The following DUSP15 variants were observed in gnomAD, a reference collection of about 807,000 sequenced individuals.
DUSP15 encodes the protein dual specificity protein phosphatase 15.
Under a neutral mutation model 26.3 loss-of-function variants are expected in DUSP15, and 23 were observed. That is an observed-to-expected ratio of 0.87 (90% CI 0.63 to 1.24). DUSP15 has a LOEUF of 1.24. DUSP15 is among the 50% of genes most tolerant of loss of function. DUSP15 has a pLI of 0.00. For synonymous variants in DUSP15, 143 were observed against 135.5 expected, an observed-to-expected ratio of 1.06 and a Z score of -0.39; for missense variants, 364 against 320.6, an observed-to-expected ratio of 1.14 and a Z score of -1.03.
exon 8 of DUSP15, chr20:31,849,797 C>G (rs1255848697): frequency 1.3e-6 from 2 of 1,541,658 alleles, no homozygotes; most frequent in Non-Finnish European, 8.7e-7. Context: ...CGGACTCAGA[C>G]GACAGCGCTG....
rs1186190017 is a variant in DUSP15 at position 31,861,624 on chromosome 20, C to CCTCGTCGCGGAAGGGGCT, written c.469_486dup (p.Ser157_Glu162dup). On this transcript the variant is annotated inframe_insertion, in exon 7 of 7. Coordinates refer to ENST00000339738, the MANE Select transcript of DUSP15 (RefSeq NM_080611.5). ...AGCGGCAGCAGCGCGCGCAACTCCT[C>CCTCGTCGCGGAAGGGGCT]CTCGTCGCGGAAGGGGCTCTCGCCG... is the stretch of plus-strand genomic sequence containing the variant. 9 of 1,493,072 alleles carry CCTCGTCGCGGAAGGGGCT rather than the reference C, an allele frequency of 6.0e-6. No homozygotes were observed. The East Asian group carries it at 8.5e-5, about 14-fold the overall frequency. The allele number at this position is 1,493,072 out of a possible 1,614,324, so 92.5% of individuals were successfully genotyped here.
chr20:31,867,404 T>C (rs747767312), intron 2 of DUSP15, among the ~76,000 whole-genome samples: 2 of 152,228 alleles, frequency 1.3e-5, no homozygotes, highest in Non-Finnish European at 2.9e-5. Flanking sequence ...GACCCAGCAA[T>C]TCTGCTTCTA....
chr20:31,848,587 T>C, intron 9 of DUSP15: 1 of 1,549,354 alleles, frequency 6.5e-7, no homozygotes, highest in South Asian at 1.2e-5. Flanking sequence ...GGTGGGGCGA[T>C]GAGCAGACCC....
downstream of DUSP15, among the ~76,000 whole-genome samples, chr20:31,860,013 T>C (rs1444289801): frequency 6.6e-6 from 1 of 152,238 alleles, no homozygotes; most frequent in Non-Finnish European, 1.5e-5. Context: ...CTGCCTGGAA[T>C]GCTTCCCCCA....
chr20:31,852,260 C>T (rs1007458034), intron 6 of DUSP15, among the ~76,000 whole-genome samples: 2 of 152,172 alleles, frequency 1.3e-5, no homozygotes, highest in African/African-American at 4.8e-5. Context: ...CCACCTGTCT[C>T]CGACTCCCAA....
intron 6 of DUSP15, among the ~76,000 whole-genome samples, chr20:31,853,251 A>G (rs538422167): frequency 6.6e-6 from 1 of 152,306 alleles, no homozygotes; most frequent in South Asian, 2.1e-4. Context: ...AGAAATAACT[A>G]TATTCCAAAT....
downstream of DUSP15, chr20:31,845,650 C>T (rs1424436613): frequency 2.9e-6 from 4 of 1,387,470 alleles, no homozygotes; most frequent in African/African-American, 4.3e-5. Context: ...CTGGCCCAGC[C>T]TCCCAGCCTG....
At chr20:31,869,081 C>T (rs190692929) in intron 2 of DUSP15, among the ~76,000 whole-genome samples, 15 of 152,320 alleles carry the variant, frequency 9.8e-5, no homozygotes, top group Admixed American at 3.3e-4. Context: ...GGGACCTCTC[C>T]TCTGACAAGG....
intron 5 of DUSP15, 62 bp downstream of exon 5, chr20:31,863,845 G>A (rs2123272635): frequency 6.6e-7 from 1 of 1,511,612 alleles, no homozygotes; most frequent in South Asian, 1.1e-5. Context: ...GGGAGTGTGT[G>A]TTCAGCAGAG....
chr20:31,849,590 A>G (rs1419072748), intron 8 of DUSP15: 3 of 1,369,250 alleles, frequency 2.2e-6, no homozygotes, highest in Non-Finnish European at 3.1e-6. Flanking sequence ...CCTGCGCTCC[A>G]CCTTGTTGGG....
chr20:31,848,823 G>T (rs2062412186), exon 9 of DUSP15: 1 of 1,611,956 alleles, frequency 6.2e-7, no homozygotes, highest in Non-Finnish European at 8.5e-7. Context: ...ATGATGAGCT[G>T]CTCCTTGGGG....
In DUSP15 at chr20:31,870,438, G is replaced by T; in HGVS notation, c.-101C>A. ...GCCCAGGCCCGACGCCTGCAGCCTG[G>T]CGGGGAACGGGGGGCCTGGCGTCCG... On this transcript the variant is annotated 5_prime_UTR_variant, in exon 1 of 7. Coordinates refer to ENST00000339738, the MANE Select transcript of DUSP15 (RefSeq NM_080611.5). This position sits in a 1 kb window ranked among gnomAD's most constrained non-coding sequence, Gnocchi z 6.6. 1 of 1,290,574 alleles carries T rather than the reference G, an allele frequency of 7.7e-7. No individual in the cohort carries two copies. Among genetic ancestry groups the T allele is most frequent in the South Asian group, 2.8e-5 (1 of 36,162 alleles). 79.9% of individuals were successfully genotyped at this position (1,290,574 alleles called of 1,614,324 possible). A position where few individuals can be genotyped will look rare whatever the true frequency, so the allele number is the denominator to read the frequency against.
At chr20:31,851,921 G>T (rs753791276) in intron 6 of DUSP15, among the ~76,000 whole-genome samples, 1 of 151,976 alleles carries the variant, frequency 6.6e-6, no homozygotes, top group Non-Finnish European at 1.5e-5. Flanking sequence ...CAATTTAGAC[G>T]ATCCCAGATG....
At chr20:31,853,123 C>T (rs1330109592) in intron 6 of DUSP15, among the ~76,000 whole-genome samples, 1 of 149,616 alleles carries the variant, frequency 6.7e-6, no homozygotes, top group Non-Finnish European at 1.5e-5. Context: ...CCCCACAACA[C>T]ATATTATTTG....
rs765715523 is a variant in DUSP15 at position 31,862,715 on chromosome 20, C to T, written c.291G>A (p.Thr97=). ...HCFAGISRST[T]IVTAYVMTVT... ...CAGTCATCACATACGCTGTCACAAT[C>T]GTGGTGCTGCGAGAGATGCCTGCAA... Residue 97 remains threonine, a synonymous_variant, in exon 6 of 7, where the codon ACG becomes ACA. Coordinates refer to ENST00000339738, the MANE Select transcript of DUSP15 (RefSeq NM_080611.5). The T allele has an allele frequency of 2.5e-5, 41 of 1,611,114 alleles. No homozygotes were observed. Among genetic ancestry groups the T allele is most frequent in the Non-Finnish European group, 3.3e-5 (39 of 1,178,020 alleles).
chr20:31,859,671 T>G (rs2062613470), downstream of DUSP15, among the ~76,000 whole-genome samples: 1 of 152,198 alleles, frequency 6.6e-6, no homozygotes, highest in African/African-American at 2.4e-5. Flanking sequence ...TTATTTTTCT[T>G]TTTTCAAACA....
At position 31,870,097 on chromosome 20, in the gene DUSP15, CA is replaced by C. The variant is rs1005931508; in HGVS notation, c.21+219del. The C allele has an allele frequency of 4.8e-6, 6 of 1,254,388 alleles. No individual in the cohort carries two copies. Among genetic ancestry groups the C allele is most frequent in the Non-Finnish European group, 6.0e-6 (6 of 1,000,066 alleles). The allele number at this position is 1,254,388 out of a possible 1,614,324, so 77.7% of individuals were successfully genotyped here. On this transcript the variant is annotated intron_variant, in intron 1 of 6. Transcript: ENST00000339738. This position sits in a 1 kb window ranked among gnomAD's most constrained non-coding sequence, Gnocchi z 6.6. ...CCACAGCAAGACAGCGAGAGACACACAGAGTCACGGAGAGAGGGCGGACACA... is the reference window on the plus strand; with the variant it reads ...CCACAGCAAGACAGCGAGAGACACACGAGTCACGGAGAGAGGGCGGACACA...
intron 3 of DUSP15, among the ~76,000 whole-genome samples, chr20:31,865,877 A>G (rs1687408386): frequency 6.6e-6 from 1 of 152,206 alleles, no homozygotes; most frequent in Admixed American, 6.5e-5. Flanking sequence ...AGAAGCAGGA[A>G]GGGCCGTAGG....
At chr20:31,858,919 T>C (rs2062603369), downstream of DUSP15, among the ~76,000 whole-genome samples, 2 of 152,246 alleles carry the variant, frequency 1.3e-5, no homozygotes, top group African/African-American at 4.8e-5. The surrounding 1 kb of genome is among the most constrained non-coding windows in gnomAD (Gnocchi z 4.4). Flanking sequence ...CGTGAGGTTC[T>C]GATGCAGGTA....
Sources: gnomAD v4.1 joint callset for allele counts (sites outside exome capture counted in the v4.1 genomes callset) on GRCh38, gnomAD v4.1.1 for gene constraint, Gnocchi (gnomAD v3.1) non-coding constraint, MANE v1.5 for transcripts, NCBI Gene and HGNC (gene_info 2026-07-23, HGNC 2026-07-21) for gene names.